The following LINGO1 variants were observed in gnomAD, a reference collection of about 807,000 sequenced individuals.
LINGO1 encodes the protein leucine-rich repeat and immunoglobulin-like domain-containing nogo receptor-interacting protein 1.
In LINGO1, 11 loss-of-function variants were observed where a neutral mutation model predicts 37.3. The observed-to-expected ratio is 0.29, with a 90% CI of 0.19 to 0.49. The LOEUF is 0.49. Ranked by LOEUF, LINGO1 falls within the 20% of genes least tolerant of loss-of-function variation. The pLI is 0.99. For synonymous variants in LINGO1, 387 were observed against 403.0 expected (o/e 0.96, Z 0.48); for missense variants, 585 against 878.2 (o/e 0.67, Z 4.22).
At chr15:77,798,644 G>T (rs1246862420) in intron 1 of LINGO1, among the ~76,000 whole-genome samples, 1 of 152,234 alleles carries the variant, frequency 6.6e-6, no homozygotes, top group Non-Finnish European at 1.5e-5. Context: ...CTGCCAGTGT[G>T]CCAGGTCCCA....
intron 2 of LINGO1, among the ~76,000 whole-genome samples, chr15:77,728,292 G>A (rs189986365): frequency 7.2e-5 from 11 of 152,362 alleles, no homozygotes; most frequent in African/African-American, 2.4e-4. Context: ...TCATGGACAT[G>A]CCACATGCCC....
At chr15:77,814,838 T>C (rs1454980720) in intron 1 of LINGO1, among the ~76,000 whole-genome samples, 1 of 152,216 alleles carries the variant, frequency 6.6e-6, no homozygotes. Context: ...TTTGGGGATA[T>C]GTCACATACA....
chr15:77,781,725 G>A (rs934625698), intron 1 of LINGO1, among the ~76,000 whole-genome samples: 10 of 152,250 alleles, frequency 6.6e-5, no homozygotes, highest in Admixed American at 1.3e-4. Flanking sequence ...AAGCTCAGAG[G>A]GGGTAGTGAC....
chr15:77,636,246 C>T (rs938903705), upstream of LINGO1, among the ~76,000 whole-genome samples: 15 of 152,270 alleles, frequency 9.9e-5, no homozygotes, highest in African/African-American at 3.4e-4. Context: ...GACCAAGGGT[C>T]CCCCAGGCAC....
At chr15:77,803,856 C>T (rs1000084796) in intron 1 of LINGO1, among the ~76,000 whole-genome samples, 1 of 152,166 alleles carries the variant, frequency 6.6e-6, no homozygotes, top group African/African-American at 2.4e-5. Context: ...GCCAATTAAA[C>T]CTCTTTTCTT....
At chr15:77,694,458 A>G (rs1486320836) in intron 1 of LINGO1, among the ~76,000 whole-genome samples, 2 of 151,954 alleles carry the variant, frequency 1.3e-5, no homozygotes, top group Non-Finnish European at 2.9e-5. Flanking sequence ...CTCCTCCCTC[A>G]TCCCCAGTAG....
At chr15:77,781,756 G>A (rs547352001) in intron 1 of LINGO1, among the ~76,000 whole-genome samples, 20 of 152,378 alleles carry the variant, frequency 1.3e-4, no homozygotes, top group Non-Finnish European at 2.6e-4. Context: ...TCACACAGTG[G>A]TCTGTGGCAG....
intron 1 of LINGO1, among the ~76,000 whole-genome samples, chr15:77,775,671 C>T (rs2076630046): frequency 6.6e-6 from 1 of 152,190 alleles, no homozygotes; most frequent in Non-Finnish European, 1.5e-5. Flanking sequence ...GTCATACAGC[C>T]TCCCATGCCT....
intron 1 of LINGO1, among the ~76,000 whole-genome samples, chr15:77,622,016 C>T (rs894771880): frequency 2.6e-5 from 4 of 152,150 alleles, no homozygotes; most frequent in South Asian, 2.1e-4. Flanking sequence ...CAGTTCCTCA[C>T]GGGGAAACGA....
intron 2 of LINGO1, among the ~76,000 whole-genome samples, chr15:77,679,777 T>C (rs1050464454): frequency 1.3e-5 from 2 of 152,196 alleles, no homozygotes; most frequent in Non-Finnish European, 2.9e-5. Context: ...CCTGATGAGC[T>C]TCCCACTAGA....
intron 1 of LINGO1, among the ~76,000 whole-genome samples, chr15:77,776,910 AC>A (rs1158642469): frequency 2.0e-5 from 3 of 152,166 alleles, no homozygotes; most frequent in African/African-American, 7.2e-5. Flanking sequence ...AGCCAAGGCC[AC>A]CCAGCTTCTA....
intron 1 of LINGO1, among the ~76,000 whole-genome samples, chr15:77,617,225 C>T (rs1334217520): frequency 6.6e-6 from 1 of 152,152 alleles, no homozygotes; most frequent in Non-Finnish European, 1.5e-5. Context: ...TGTTCAGAGA[C>T]CACTGGTCCC....
Position 77,613,878 on chromosome 15 carries a change from G to A in LINGO1, c.*166C>T. 1.6e-6 allele frequency: 1 copy of A among 641,638 alleles called. No individual in the cohort carries two copies. The highest frequency in any genetic ancestry group is 2.7e-5 in the East Asian group (1 of 36,458). The allele number at this position is 641,638 out of a possible 1,614,324, so 39.7% of individuals were successfully genotyped here. A position where few individuals can be genotyped will look rare whatever the true frequency, so the allele number is the denominator to read the frequency against. ...CTGAGGTCCTGGTAGAAGGAGGGCA[G>A]GTGGTGAGGGCTGGCGGGGGGCAGC... is the stretch of plus-strand genomic sequence containing the variant. On this transcript the variant is annotated 3_prime_UTR_variant, in exon 2 of 2. Coordinates refer to ENST00000355300, the MANE Select transcript of LINGO1 (RefSeq NM_032808.7).
intron 2 of LINGO1, among the ~76,000 whole-genome samples, chr15:77,712,023 A>C (rs1386974798): frequency 3.3e-5 from 5 of 152,096 alleles, no homozygotes; most frequent in Admixed American, 6.5e-5. Context: ...TGTGGGACCT[A>C]AGAGGTGGCT....
chr15:77,811,103 G>A (rs147724300), intron 1 of LINGO1, among the ~76,000 whole-genome samples: 10 of 42,422 alleles, frequency 2.4e-4, no homozygotes, highest in Non-Finnish European at 3.5e-4. Context: ...GTCCAGACCC[G>A]ATCCCAACCC....
chr15:77,764,314 G>C (rs2076505850), intron 1 of LINGO1, among the ~76,000 whole-genome samples: 1 of 152,080 alleles, frequency 6.6e-6, no homozygotes, highest in African/African-American at 2.4e-5. Context: ...GTAATAAAAA[G>C]CATAAGCCAT....
intron 1 of LINGO1, among the ~76,000 whole-genome samples, chr15:77,763,942 C>A (rs2076502400): frequency 6.6e-6 from 1 of 152,232 alleles, no homozygotes; most frequent in African/African-American, 2.4e-5. Flanking sequence ...CCCAAGTCTC[C>A]TCAACTCTCA....
At chr15:77,626,924 AAGTAAAGGGACTTGAGATGGCC>A (rs1375714761) in intron 1 of LINGO1, among the ~76,000 whole-genome samples, 4 of 151,388 alleles carry the variant, frequency 2.6e-5, no homozygotes, top group Non-Finnish European at 5.9e-5. Flanking sequence ...TGTTGCATCC[AAGTAAAGGGACTTGAGATGGCC>A]AGTCCCCGCC....
intron 1 of LINGO1, among the ~76,000 whole-genome samples, chr15:77,626,074 T>A (rs1434971028): frequency 6.6e-6 from 1 of 152,076 alleles, no homozygotes; most frequent in East Asian, 1.9e-4. Context: ...TCCAAAGGCA[T>A]AACACCCTTA....
Sources: allele counts gnomAD v4.1 joint callset (sites outside exome capture counted in the v4.1 genomes callset), GRCh38; gene constraint gnomAD v4.1.1; transcripts MANE v1.5; gene names NCBI Gene and HGNC (gene_info 2026-07-23, HGNC 2026-07-21).